AFG2A: variants seen among roughly 807,000 people sequenced by gnomAD.
AFG2A encodes the protein ATPase family gene 2 protein homolog A.
the AFG2A span, among the ~76,000 whole-genome samples, chr4:122,947,032 A>T: frequency 1.3e-5 from 2 of 152,156 alleles, no homozygotes; most frequent in African/African-American, 4.8e-5. Context: ...ACACTGAAAA[A>T]TGTATAATAA....
At chr4:123,041,108 T>TTTA in the AFG2A span, among the ~76,000 whole-genome samples, 4 of 150,948 alleles carry the variant, frequency 2.6e-5, no homozygotes, top group Admixed American at 6.6e-5. Flanking sequence ...TAATTTTTTA[T>TTTA]TTATTATTAT....
At chr4:122,997,077 C>G in the AFG2A span, among the ~76,000 whole-genome samples, 1 of 152,162 alleles carries the variant, frequency 6.6e-6, no homozygotes, top group Admixed American at 6.6e-5. Flanking sequence ...GCTTTACTAG[C>G]TATTACATAT....
the AFG2A span, among the ~76,000 whole-genome samples, chr4:123,127,981 A>T: frequency 1.3e-5 from 2 of 152,208 alleles, no homozygotes; most frequent in Admixed American, 6.5e-5. Flanking sequence ...AACAGTGTTT[A>T]ACATATACTG....
the AFG2A span, among the ~76,000 whole-genome samples, chr4:123,047,915 G>A: frequency 6.6e-6 from 1 of 151,908 alleles, no homozygotes; most frequent in African/African-American, 2.4e-5. Context: ...ATGTTGCGCA[G>A]GCTCAAACTT....
At chr4:123,263,392 T>C in the AFG2A span, among the ~76,000 whole-genome samples, 1 of 152,204 alleles carries the variant, frequency 6.6e-6, no homozygotes. Flanking sequence ...GTGTCTTATT[T>C]TTGTCTTCTC....
the AFG2A span, among the ~76,000 whole-genome samples, chr4:123,237,672 CAAAAAA>C: frequency 1.8e-4 from 12 of 66,628 alleles, no homozygotes; most frequent in South Asian, 6.6e-4. Flanking sequence ...AACCTTGTCT[CAAAAAA>C]AAAAAAAAAA....
chr4:123,288,313 TACA>T, the AFG2A span, among the ~76,000 whole-genome samples: 2 of 152,090 alleles, frequency 1.3e-5, no homozygotes, highest in Non-Finnish European at 2.9e-5. Flanking sequence ...GGTGAGAAAT[TACA>T]ACGTGTTTTT....
At chr4:123,269,826 T>G in the AFG2A span, among the ~76,000 whole-genome samples, 1 of 152,214 alleles carries the variant, frequency 6.6e-6, no homozygotes, top group South Asian at 2.1e-4. Context: ...ATAGTTTGTT[T>G]TGTTTTGTTG....
the AFG2A span, among the ~76,000 whole-genome samples, chr4:123,168,096 G>T: frequency 6.6e-6 from 1 of 152,156 alleles, no homozygotes; most frequent in Non-Finnish European, 1.5e-5. Context: ...GCTGCCAGTG[G>T]TGGTAGCAAC....
At chr4:123,089,375 A>G in the AFG2A span, among the ~76,000 whole-genome samples, 1 of 152,150 alleles carries the variant, frequency 6.6e-6, no homozygotes, top group African/African-American at 2.4e-5. Context: ...GTCCTCTTCC[A>G]CCCAAGTGCA....
the AFG2A span, among the ~76,000 whole-genome samples, chr4:123,110,756 C>T: frequency 6.6e-6 from 1 of 152,106 alleles, no homozygotes; most frequent in South Asian, 2.1e-4. Flanking sequence ...CAAAGTAGTA[C>T]CTCTGTTTAC....
chr4:123,051,240 C>A, the AFG2A span, among the ~76,000 whole-genome samples: 2 of 150,042 alleles, frequency 1.3e-5, no homozygotes, highest in African/African-American at 4.9e-5. Flanking sequence ...TTAATTTGTT[C>A]TTTTTTATTT....
the AFG2A span, among the ~76,000 whole-genome samples, chr4:123,152,338 G>A: frequency 2.0e-5 from 3 of 152,076 alleles, no homozygotes; most frequent in African/African-American, 4.8e-5. Flanking sequence ...GCTACAGGCT[G>A]GGGGAGAATA....
the AFG2A span, among the ~76,000 whole-genome samples, chr4:122,965,491 C>T: frequency 2.6e-5 from 4 of 152,174 alleles, no homozygotes; most frequent in Non-Finnish European, 5.9e-5. Flanking sequence ...CTCTCTAAAG[C>T]ATTTTGCCTT....
the AFG2A span, among the ~76,000 whole-genome samples, chr4:122,969,968 G>C: frequency 0.81 from 123,326 of 152,118 alleles, 51,743 homozygotes; most frequent in East Asian, 0.96. Flanking sequence ...TTATAATGGA[G>C]CTGAAAAATT....
the AFG2A span, among the ~76,000 whole-genome samples, chr4:123,106,326 T>G: frequency 6.6e-6 from 1 of 152,360 alleles, no homozygotes; most frequent in Admixed American, 6.5e-5. Flanking sequence ...TATTGGTAAA[T>G]TAGAAATTCT....
At chr4:123,162,272 T>A in the AFG2A span, among the ~76,000 whole-genome samples, 1 of 152,174 alleles carries the variant, frequency 6.6e-6, no homozygotes, top group Non-Finnish European at 1.5e-5. Context: ...CACCTTCAAA[T>A]ACATGCAAGG....
chr4:123,288,916 T>C, the AFG2A span, among the ~76,000 whole-genome samples: 1 of 152,222 alleles, frequency 6.6e-6, no homozygotes, highest in South Asian at 2.1e-4. Context: ...TCAGGCCTCA[T>C]TGGTCCCGGC....
chr4:123,076,610 G>T, the AFG2A span, among the ~76,000 whole-genome samples: 3 of 149,302 alleles, frequency 2.0e-5, no homozygotes, highest in East Asian at 2.0e-4. Flanking sequence ...TTTTTGGGGG[G>T]TGGGGGGTGA....
Sources: gnomAD v4.1 joint callset for allele counts (sites outside exome capture counted in the v4.1 genomes callset) on GRCh38, gnomAD v4.1.1 for gene constraint, MANE v1.5 for transcripts, NCBI Gene and HGNC (gene_info 2026-07-23, HGNC 2026-07-21) for gene names.